Variants in MAML3 observed in about 807,000 individuals in gnomAD.
MAML3 encodes mastermind like transcriptional coactivator 3, also known as mastermind-like protein 3.
A neutral mutation model predicts 101.9 loss-of-function variants in MAML3; 27 were observed. That is an observed-to-expected ratio of 0.27 (90% CI 0.20 to 0.37). The LOEUF is 0.37. MAML3 is among the 10% of genes least tolerant of loss of function. The probability of loss-of-function intolerance (pLI) is 1.00; values close to 1 mark genes in which losing one functional copy is unlikely to be tolerated. For missense variants in MAML3, 1,316 were observed against 1,444.9 expected (o/e 0.91, Z 1.45); for synonymous variants, 501 against 555.9 (o/e 0.90, Z 1.39).
intron 2 of MAML3, among the ~76,000 whole-genome samples, chr4:139,777,420 C>T (rs1730113506): frequency 6.6e-6 from 1 of 152,240 alleles, no homozygotes; most frequent in Admixed American, 6.5e-5. Flanking sequence ...TCTTCAGTCT[C>T]CACTGCCACT....
intron 1 of MAML3, among the ~76,000 whole-genome samples, chr4:139,922,921 T>C (rs533199998): frequency 1.1e-4 from 17 of 152,168 alleles, no homozygotes; most frequent in Non-Finnish European, 2.5e-4. Context: ...GATAGAGCTG[T>C]TCCTTCAAAG....
intron 1 of MAML3, among the ~76,000 whole-genome samples, chr4:140,111,464 T>C (rs917631466): frequency 1.3e-5 from 2 of 152,256 alleles, no homozygotes; most frequent in African/African-American, 4.8e-5. Context: ...AATCCAGGAC[T>C]AGAACATTCC....
Position 139,730,666 on chromosome 4 carries a change from T to A in MAML3, c.2081A>T (p.Glu694Val). The change falls in exon 3 of 5, where the codon GAG becomes GTG. Residue 694 changes from glutamate to valine, a missense_variant and splice_region_variant. Glu to Val is a moderately radical substitution (Grantham distance 121). Coordinates refer to ENST00000509479, the MANE Select transcript of MAML3 (RefSeq NM_018717.5). ...AYAALPSHGQ[E>V]QHPVGLPRTT... The stretch of plus-strand genomic sequence containing the variant: ...TCGGGGAAGTCCAACTGGATGCTGC[T>A]CCTGGGAAGACAAGAGAGAGGGAGA... 1 of 1,610,988 alleles carries A rather than the reference T, an allele frequency of 6.2e-7. No homozygotes were observed. The highest frequency in any genetic ancestry group is 1.1e-5 in the South Asian group (1 of 90,494).
At chr4:139,765,479 A>T (rs1729837989) in intron 2 of MAML3, among the ~76,000 whole-genome samples, 1 of 152,234 alleles carries the variant, frequency 6.6e-6, no homozygotes, top group Non-Finnish European at 1.5e-5. Flanking sequence ...TGAAAGTGCA[A>T]AGTTAAAGAA....
At chr4:139,923,541 T>C (rs531042588) in intron 1 of MAML3, among the ~76,000 whole-genome samples, 2 of 152,308 alleles carry the variant, frequency 1.3e-5, no homozygotes, top group Admixed American at 1.3e-4. Flanking sequence ...AATTGATAAA[T>C]GCCTTGCTCG....
chr4:139,829,395 T>C (rs1455713388), intron 2 of MAML3, among the ~76,000 whole-genome samples: 1 of 152,052 alleles, frequency 6.6e-6, no homozygotes, highest in East Asian at 1.9e-4. Context: ...AGTAGAGAAA[T>C]AACTGGTGTG....
chr4:139,894,262 G>A lies in MAML3; in HGVS notation c.469-3295C>T, dbSNP rs554516295. Among the ~76,000 whole-genome samples, 117 of 152,274 alleles carry A rather than the reference G, an allele frequency of 7.7e-4. 1 individual carries two copies. Among genetic ancestry groups the A allele is most frequent in the African/African-American group, 2.7e-3 (113 of 41,560 alleles). Reference sequence around the variant, plus strand: ...ACAGTAGCTCACGCCTGTAATCCCAGCACTTTGGGAGGCTGAGGTGGGCAG... The same window carrying A: ...ACAGTAGCTCACGCCTGTAATCCCAACACTTTGGGAGGCTGAGGTGGGCAG... On this transcript the variant is annotated intron_variant, in intron 1 of 4. Transcript: ENST00000509479.
At chr4:139,984,647 T>C (rs1734505615) in intron 1 of MAML3, among the ~76,000 whole-genome samples, 1 of 152,192 alleles carries the variant, frequency 6.6e-6, no homozygotes, top group Non-Finnish European at 1.5e-5. Flanking sequence ...AATTGGCTCA[T>C]GCGACTGTGG....
At chr4:139,808,109 A>G (rs1289458548) in intron 2 of MAML3, among the ~76,000 whole-genome samples, 1 of 152,202 alleles carries the variant, frequency 6.6e-6, no homozygotes, top group Admixed American at 6.5e-5. Flanking sequence ...GTGTGTGGAG[A>G]GGGATGAGGC....
chr4:139,821,055 A>G (rs1265919703), intron 2 of MAML3, among the ~76,000 whole-genome samples: 1 of 152,240 alleles, frequency 6.6e-6, no homozygotes. Flanking sequence ...AACCATTGCC[A>G]AATTGATCGG....
rs977038236 is a variant in MAML3, at chr4:140,051,822, C to A, written c.468+101038G>T. Among the ~76,000 whole-genome samples the A allele has an allele frequency of 7.9e-5, 12 of 152,220 alleles. No individual in the cohort carries two copies. In the South Asian group the frequency reaches 2.5e-3, roughly 32 times the overall value. The stretch of plus-strand genomic sequence containing the variant: ...TGAGAAACAGAGGAGCTCAGCAGTT[C>A]ATCCAACGTCACAGAGCAAGCTAGT... On this transcript the variant is annotated intron_variant, in intron 1 of 4. Transcript: ENST00000509479.
intron 1 of MAML3, among the ~76,000 whole-genome samples, chr4:140,099,292 T>C (rs1170795119): frequency 6.6e-6 from 1 of 152,102 alleles, no homozygotes; most frequent in Non-Finnish European, 1.5e-5. Flanking sequence ...GCAAAACTTT[T>C]TTAAAAGCCT....
intron 1 of MAML3, among the ~76,000 whole-genome samples, chr4:140,005,573 A>G (rs2110850937): frequency 6.6e-6 from 1 of 152,370 alleles, no homozygotes; most frequent in East Asian, 1.9e-4. Context: ...ATCAGACAAC[A>G]AATTAAAATG....
chr4:140,153,230 A>C lies in MAML3; in HGVS notation c.98T>G (p.Val33Gly). The change falls in exon 1 of 5, where the codon GTG becomes GGG. Residue 33 changes from valine to glycine, a missense_variant. Coordinates refer to ENST00000509479, the MANE Select transcript of MAML3 (RefSeq NM_018717.5). ...NSSLGGAGIGVNNTPNSTPAA... is the reference protein window; with the variant it reads ...NSSLGGAGIGGNNTPNSTPAA... ...GGGAGTACTATTGGGAGTATTATTC[A>C]CACCGATCCCGGCCCCGCCGAGGCT... 6.3e-7 allele frequency: 1 copy of C among 1,581,036 alleles called. No homozygotes were observed. Among genetic ancestry groups the C allele is most frequent in the Non-Finnish European group, 8.6e-7 (1 of 1,162,736 alleles).
At chr4:139,955,500 T>G (rs573860993) in intron 1 of MAML3, among the ~76,000 whole-genome samples, 1 of 152,348 alleles carries the variant, frequency 6.6e-6, no homozygotes, top group East Asian at 1.9e-4. Context: ...CAATTGTTTC[T>G]TTCTTCTTTT....
intron 1 of MAML3, among the ~76,000 whole-genome samples, chr4:139,963,574 G>C (rs1346308420): frequency 6.6e-6 from 1 of 152,154 alleles, no homozygotes; most frequent in Non-Finnish European, 1.5e-5. Flanking sequence ...ATAATACCTT[G>C]TGTCAAATTT....
intron 1 of MAML3, among the ~76,000 whole-genome samples, chr4:139,929,851 A>G (rs1733344779): frequency 6.6e-6 from 1 of 152,232 alleles, no homozygotes; most frequent in African/African-American, 2.4e-5. Flanking sequence ...GTGGAGGGAA[A>G]AAGAGCAAGC....
intron 2 of MAML3, among the ~76,000 whole-genome samples, chr4:139,887,540 G>T (rs1386288463): frequency 6.6e-6 from 1 of 152,200 alleles, no homozygotes; most frequent in East Asian, 1.9e-4. Flanking sequence ...GGACCTCAAA[G>T]AAGTACCCTT....
At chr4:140,098,900 A>T (rs1728203360) in intron 1 of MAML3, among the ~76,000 whole-genome samples, 1 of 152,232 alleles carries the variant, frequency 6.6e-6, no homozygotes, top group Admixed American at 6.5e-5. Flanking sequence ...GATACCCTCT[A>T]TTCAGAGGAA....
Sources: allele counts gnomAD v4.1 joint callset (sites outside exome capture counted in the v4.1 genomes callset), GRCh38; gene constraint gnomAD v4.1.1; transcripts MANE v1.5; gene names NCBI Gene and HGNC (gene_info 2026-07-23, HGNC 2026-07-21).